The following CPQ variants were observed in gnomAD, a reference collection of about 807,000 sequenced individuals.
CPQ encodes the protein Ser-Met dipeptidase.
A neutral mutation model predicts 45.7 loss-of-function variants in CPQ; 37 were observed. That is an observed-to-expected ratio of 0.81 (90% CI 0.62 to 1.07). The LOEUF (loss-of-function observed/expected upper bound fraction) is 1.07, where lower values mean the gene tolerates loss of function less well. Ranked by LOEUF, CPQ falls within the 50% of genes least tolerant of loss-of-function variation. The probability of loss-of-function intolerance (pLI) is 0.00; values close to 1 mark genes in which losing one functional copy is unlikely to be tolerated. For missense variants in CPQ, 537 were observed against 572.9 expected (o/e 0.94, Z 0.64); for synonymous variants, 186 against 205.8 (o/e 0.90, Z 0.82).
intron 2 of CPQ, among the ~76,000 whole-genome samples, chr8:96,785,880 A>G (rs527280567): frequency 5.5e-4 from 84 of 152,286 alleles, no homozygotes; most frequent in African/African-American, 1.9e-3. Context: ...ATGTATAGCC[A>G]GTCATCAGGG....
At chr8:97,014,462 C>A (rs1809544255) in intron 5 of CPQ, among the ~76,000 whole-genome samples, 1 of 151,842 alleles carries the variant, frequency 6.6e-6, no homozygotes. Flanking sequence ...ACAAGCCTGG[C>A]AAACATGACA....
rs114485158 is a variant in CPQ, at chr8:96,804,191, A to G, written c.433+18861A>G. Among the ~76,000 whole-genome samples the G allele has an allele frequency of 2.3e-3, 349 of 152,302 alleles. 4 individuals carry two copies. Among genetic ancestry groups the G allele is most frequent in the African/African-American group, 8.2e-3 (341 of 41,574 alleles). On this transcript the variant is annotated intron_variant, in intron 2 of 7. Coordinates refer to ENST00000220763, the MANE Select transcript of CPQ (RefSeq NM_016134.4). The stretch of plus-strand genomic sequence containing the variant: ...TGTTTGCTCAATGACTGGAGGAGCA[A>G]GTTCACAGAGAGGAGAAATAAGTGG...
chr8:96,818,474 T>C (rs768779322), intron 2 of CPQ, among the ~76,000 whole-genome samples: 1 of 151,930 alleles, frequency 6.6e-6, no homozygotes, highest in Non-Finnish European at 1.5e-5. Context: ...GGAAAAATGG[T>C]ATGGATAGAC....
chr8:96,702,557 C>T (rs1387222081), intron 1 of CPQ, among the ~76,000 whole-genome samples: 1 of 152,130 alleles, frequency 6.6e-6, no homozygotes, highest in African/African-American at 2.4e-5. Flanking sequence ...TACTACCTAC[C>T]AGGTGCTGCA....
At chr8:97,091,482 C>G (rs1811123619) in intron 7 of CPQ, among the ~76,000 whole-genome samples, 1 of 152,176 alleles carries the variant, frequency 6.6e-6, no homozygotes, top group Non-Finnish European at 1.5e-5. Context: ...TTGTAATTGT[C>G]AGGCCAGTTC....
Position 96,667,112 on chromosome 8 carries a change from A to G in CPQ, c.-35+21710A>G, listed in dbSNP as rs560610646. Among the ~76,000 whole-genome samples, 6 of 151,550 alleles carry G rather than the reference A, an allele frequency of 4.0e-5. No individual in the cohort carries two copies. In the East Asian group the frequency reaches 1.2e-3, roughly 29 times the overall value. On this transcript the variant is annotated intron_variant, in intron 1 of 7. Coordinates refer to ENST00000220763, the MANE Select transcript of CPQ (RefSeq NM_016134.4). ...CCCCACTTCTCCCACAAAAAAATCT[A>G]CCCCGCCATTTGGACATTACAGAGA...
intron 4 of CPQ, among the ~76,000 whole-genome samples, chr8:96,943,086 G>A (rs952773457): frequency 1.3e-5 from 2 of 152,122 alleles, no homozygotes; most frequent in African/African-American, 4.8e-5. Context: ...TGGCTTGAAC[G>A]ATAGAAAGCT....
At chr8:97,103,340 A>C (rs1241755799) in intron 7 of CPQ, among the ~76,000 whole-genome samples, 1 of 152,244 alleles carries the variant, frequency 6.6e-6, no homozygotes, top group African/African-American at 2.4e-5. Context: ...TATAACGCAG[A>C]GTGGTGACTG....
At chr8:96,664,811 C>A (rs1563695774) in intron 1 of CPQ, among the ~76,000 whole-genome samples, 1 of 152,122 alleles carries the variant, frequency 6.6e-6, no homozygotes, top group Non-Finnish European at 1.5e-5. Flanking sequence ...GGTGGGGAGG[C>A]CCTTCACTGG....
At chr8:96,957,059 G>T (rs1309531055) in intron 4 of CPQ, among the ~76,000 whole-genome samples, 1 of 152,198 alleles carries the variant, frequency 6.6e-6, no homozygotes, top group Non-Finnish European at 1.5e-5. Context: ...AGGGATGTCT[G>T]TAACATTCTT....
intron 1 of CPQ, among the ~76,000 whole-genome samples, chr8:96,680,848 C>T (rs570471605): frequency 1.3e-5 from 2 of 152,148 alleles, no homozygotes; most frequent in African/African-American, 4.8e-5. Context: ...CTGAGGTGGT[C>T]TTGGATGGAG....
chr8:96,927,084 G>T (rs1252222524), intron 4 of CPQ, among the ~76,000 whole-genome samples: 1 of 152,190 alleles, frequency 6.6e-6, no homozygotes, highest in Non-Finnish European at 1.5e-5. Flanking sequence ...TCTGTTTAAC[G>T]TTGTGAAATC....
intron 6 of CPQ, among the ~76,000 whole-genome samples, chr8:97,058,969 T>A (rs1354691160): frequency 6.6e-6 from 1 of 152,124 alleles, no homozygotes; most frequent in Admixed American, 6.6e-5. Flanking sequence ...ATAATACAAA[T>A]AAAATTACTC....
In CPQ at chr8:96,884,647, G is replaced by T. The variant is rs1035510026; in HGVS notation, c.849+4642G>T. ...GAATGAAGAAAGGGGAAAAGGAAAT[G>T]TATGATGGTGAAAGGCAATGTCTGG... On this transcript the variant is annotated intron_variant, in intron 4 of 7. Coordinates refer to ENST00000220763, the MANE Select transcript of CPQ (RefSeq NM_016134.4). 2.0e-5 allele frequency among the ~76,000 whole-genome samples: 3 copies of T among 152,260 alleles called. No individual in the cohort carries two copies. In the South Asian group the frequency reaches 6.2e-4, roughly 32 times the overall value.
chr8:97,123,002 T>TAAAATAAATAAAATAAAATAA (rs1356753477), intron 7 of CPQ, among the ~76,000 whole-genome samples: 7 of 15,218 alleles, frequency 4.6e-4, no homozygotes, highest in African/African-American at 2.2e-3. Flanking sequence ...TAAAATAAAA[T>TAAAATAAATAAAATAAAATAA]ATAAAATAAA....
chr8:97,053,380 A>G (rs1810395107), intron 6 of CPQ, among the ~76,000 whole-genome samples: 1 of 152,170 alleles, frequency 6.6e-6, no homozygotes, highest in South Asian at 2.1e-4. Context: ...GTACATGAGG[A>G]GGGGGCTGTT....
At chr8:96,677,667 T>TA (rs1809093735) in intron 1 of CPQ, among the ~76,000 whole-genome samples, 1 of 152,162 alleles carries the variant, frequency 6.6e-6, no homozygotes, top group Non-Finnish European at 1.5e-5. Context: ...AGAAGCTTTT[T>TA]AGTTTAATTG....
chr8:97,142,577 C>G (rs1812185469), intron 7 of CPQ, among the ~76,000 whole-genome samples: 1 of 152,214 alleles, frequency 6.6e-6, no homozygotes, highest in Non-Finnish European at 1.5e-5. Flanking sequence ...GCATTTGTCT[C>G]AGTTACTTAT....
chr8:96,842,758 C>T (rs1006020103), intron 3 of CPQ, among the ~76,000 whole-genome samples: 6 of 152,258 alleles, frequency 3.9e-5, no homozygotes, highest in South Asian at 4.2e-4. Context: ...TTTTGGAGCC[C>T]GCATTCTGGA....
Sources: allele counts gnomAD v4.1 joint callset (sites outside exome capture counted in the v4.1 genomes callset), GRCh38; gene constraint gnomAD v4.1.1; transcripts MANE v1.5; gene names NCBI Gene and HGNC (gene_info 2026-07-23, HGNC 2026-07-21).